MGAM2: variants seen among roughly 807,000 people sequenced by gnomAD.
MGAM2 encodes probable maltase-glucoamylase 2.
In MGAM2, 98 loss-of-function variants were observed where a neutral mutation model predicts 96.1. That is an observed-to-expected ratio of 1.02 (90% CI 0.87 to 1.21). The LOEUF is 1.21. Ranked by LOEUF, MGAM2 falls within the 50% of genes most tolerant of loss-of-function variation. The pLI is 0.00. For missense variants in MGAM2, 2,055 were observed against 1,182.4 expected, an observed-to-expected ratio of 1.74 and a Z score of -10.82; for synonymous variants, 749 against 414.8, an observed-to-expected ratio of 1.81 and a Z score of -9.79.
intron 46 of MGAM2, among the ~76,000 whole-genome samples, chr7:142,213,517 A>G (rs1797658354): frequency 7.3e-6 from 1 of 136,196 alleles, no homozygotes; most frequent in Non-Finnish European, 1.6e-5. Flanking sequence ...CAGAAATACA[A>G]ACTACCATCA....
intron 3 of MGAM2, among the ~76,000 whole-genome samples, chr7:142,128,752 G>A (rs1351463770): frequency 5.3e-5 from 8 of 152,230 alleles, no homozygotes; most frequent in Non-Finnish European, 1.2e-4. Flanking sequence ...AGATTTCAGA[G>A]GACGTATGGA....
chr7:142,140,855 T>A lies in MGAM2; in HGVS notation c.1140T>A (p.Val380=). 1 of 703,018 alleles carries A rather than the reference T, an allele frequency of 1.4e-6. No individual in the cohort carries two copies. The highest frequency in any genetic ancestry group is 2.6e-6 in the Non-Finnish European group (1 of 384,962). 43.5% of individuals were successfully genotyped at this position (703,018 alleles called of 1,614,324 possible). A position where few individuals can be genotyped will look rare whatever the true frequency, so the allele number is the denominator to read the frequency against. The change falls in exon 11 of 48, where the codon GTT becomes GTA. Residue 380 remains valine (V), a synonymous_variant. Transcript: ENST00000477922. ...DYMDGKKDFT[V]DEVAYSGLPD... Reference sequence around the variant, plus strand: ...TGGATGGAAAGAAGGATTTCACTGTTGATGAAGTCGCTTACTCTGGTCTCC... The same window carrying A: ...TGGATGGAAAGAAGGATTTCACTGTAGATGAAGTCGCTTACTCTGGTCTCC...
At chr7:142,135,568 A>G (rs1268559451) in intron 7 of MGAM2, among the ~76,000 whole-genome samples, 1 of 152,182 alleles carries the variant, frequency 6.6e-6, no homozygotes, top group African/African-American at 2.4e-5. Context: ...TTTGCAAATT[A>G]TGTTGATTCT....
At chr7:142,161,815 A>C (rs1469561563) in intron 22 of MGAM2, 140 bp from the exon 23 acceptor site, 1 of 491,936 alleles carries the variant, frequency 2.0e-6, no homozygotes, top group Admixed American at 4.1e-5. Context: ...ATATTTGCAG[A>C]AGTTTGAAAA....
At chr7:142,156,905 T>C (rs929363940) in intron 17 of MGAM2, among the ~76,000 whole-genome samples, 2 of 152,206 alleles carry the variant, frequency 1.3e-5, no homozygotes, top group Admixed American at 1.3e-4. Context: ...ATGCCGACCA[T>C]TGACGGAAAA....
At chr7:142,153,045 G>A (rs1212298797) in intron 15 of MGAM2, among the ~76,000 whole-genome samples, 3 of 148,342 alleles carry the variant, frequency 2.0e-5, no homozygotes, top group Non-Finnish European at 4.4e-5. Context: ...GCCCAGGCTG[G>A]AGTGCAGTGG....
At chr7:142,140,381 G>A (rs1307585091) in intron 10 of MGAM2, among the ~76,000 whole-genome samples, 1 of 152,060 alleles carries the variant, frequency 6.6e-6, no homozygotes, top group Non-Finnish European at 1.5e-5. Flanking sequence ...ACTTTCGTAG[G>A]GCAAAAGATC....
chr7:142,151,522 C>T (rs1172164815), intron 15 of MGAM2, among the ~76,000 whole-genome samples: 3 of 152,220 alleles, frequency 2.0e-5, no homozygotes, highest in Admixed American at 1.3e-4. Context: ...AAATGAGACT[C>T]GGATTGGTAT....
Position 142,136,535 on chromosome 7 carries a change from TG to T in MGAM2, c.748-5del, listed in dbSNP as rs1323585513. ...CACTATGACTTTTCTTCTGTTTTGC[TG>T]ATAGGGCATGATTAATCTGTATGGA... is the stretch of plus-strand genomic sequence containing the variant. On this transcript the variant is annotated splice_polypyrimidine_tract_variant and splice_region_variant and intron_variant, in intron 7 of 47. Coordinates refer to ENST00000477922, the MANE Select transcript of MGAM2 (RefSeq NM_001293626.2). 2 of 671,144 alleles carry T rather than the reference TG, an allele frequency of 3.0e-6. No homozygotes were observed. The highest frequency in any genetic ancestry group is 5.4e-5 in the East Asian group (2 of 36,734). 41.6% of individuals were successfully genotyped at this position (671,144 alleles called of 1,614,324 possible).
chr7:142,177,198 C>T (rs1796404736), intron 32 of MGAM2, among the ~76,000 whole-genome samples: 1 of 152,088 alleles, frequency 6.6e-6, no homozygotes, highest in Non-Finnish European at 1.5e-5. Flanking sequence ...CTGGAGAGGC[C>T]TCACAATCAT....
chr7:142,127,506 C>G (rs1002570041), intron 3 of MGAM2, among the ~76,000 whole-genome samples: 1 of 152,086 alleles, frequency 6.6e-6, no homozygotes, highest in Admixed American at 6.6e-5. Context: ...ACACATTCCT[C>G]ATTTTTTTAA....
chr7:142,215,726 C>G (rs1001340857), intron 46 of MGAM2, among the ~76,000 whole-genome samples: 2 of 146,242 alleles, frequency 1.4e-5, no homozygotes, highest in African/African-American at 2.6e-5. Flanking sequence ...CCATTGCACT[C>G]CAGCCTGGGT....
chr7:142,145,093 G>A, intron 14 of MGAM2, 148 bp downstream of exon 14: 1 of 569,688 alleles, frequency 1.8e-6, no homozygotes. Context: ...AGTCTCTGCA[G>A]CAGTGTTGGG....
chr7:142,132,101 C>T lies in MGAM2; in HGVS notation c.575+16C>T, dbSNP rs1006256162. Reference sequence around the variant, plus strand: ...GAAGAGTCTTGTGAGCTTTTCAACCCTCTTGGTGCATCTTTGAACACACAG... The same window carrying T: ...GAAGAGTCTTGTGAGCTTTTCAACCTTCTTGGTGCATCTTTGAACACACAG... On this transcript the variant is annotated intron_variant, in intron 6 of 47. Transcript: ENST00000477922. 2 of 697,650 alleles carry T rather than the reference C, an allele frequency of 2.9e-6. No homozygotes were observed. The highest frequency in any genetic ancestry group is 2.1e-5 in the Admixed American group (1 of 48,710). The allele number at this position is 697,650 out of a possible 1,614,324, so 43.2% of individuals were successfully genotyped here.
At chr7:142,130,610 G>A (rs1794856286) in intron 3 of MGAM2, among the ~76,000 whole-genome samples, 1 of 152,174 alleles carries the variant, frequency 6.6e-6, no homozygotes, top group African/African-American at 2.4e-5. Context: ...GTGACTGTGT[G>A]TTCCCTCAGC....
At chr7:142,125,754 T>C (rs75733836) in intron 3 of MGAM2, among the ~76,000 whole-genome samples, 253 of 152,316 alleles carry the variant, frequency 1.7e-3, no homozygotes, top group African/African-American at 5.7e-3. Context: ...TGTTAGCATC[T>C]GAAATACTTG....
Position 142,197,739 on chromosome 7 carries a change from C to T in MGAM2, c.4866+11C>T, listed in dbSNP as rs1797094909. ...CCTGTGTTGGAAACTGTGAGTTCTT[C>T]ATTGTAGGTCAGAAAACCTTCAATC... On this transcript the variant is annotated intron_variant, in intron 42 of 47. Coordinates refer to ENST00000477922, the MANE Select transcript of MGAM2 (RefSeq NM_001293626.2). 1 of 702,802 alleles carries T rather than the reference C, an allele frequency of 1.4e-6. No homozygotes were observed. The highest frequency in any genetic ancestry group is 2.6e-6 in the Non-Finnish European group (1 of 384,980). 43.5% of individuals were successfully genotyped at this position (702,802 alleles called of 1,614,324 possible). A position where few individuals can be genotyped will look rare whatever the true frequency, so the allele number is the denominator to read the frequency against.
At chr7:142,174,733 T>TTTTTTTTTGA (rs1554509447) in intron 31 of MGAM2, among the ~76,000 whole-genome samples, 2 of 143,624 alleles carry the variant, frequency 1.4e-5, no homozygotes, top group Non-Finnish European at 3.0e-5. Context: ...TTTTTTTTTT[T>TTTTTTTTTGA]GAGTTGGAGT....
chr7:142,186,828 C>G (rs530247125), intron 35 of MGAM2, among the ~76,000 whole-genome samples: 1 of 152,192 alleles, frequency 6.6e-6, no homozygotes, highest in East Asian at 1.9e-4. Flanking sequence ...CCTGACCACC[C>G]GCACCTTTGA....
Sources: allele counts gnomAD v4.1 joint callset (sites outside exome capture counted in the v4.1 genomes callset), GRCh38; gene constraint gnomAD v4.1.1; transcripts MANE v1.5; gene names NCBI Gene and HGNC (gene_info 2026-07-23, HGNC 2026-07-21).